Variants in PLPPR1 observed in about 807,000 individuals in gnomAD.
PLPPR1 encodes phospholipid phosphatase-related protein type 1.
Under a neutral mutation model 33.1 loss-of-function variants are expected in PLPPR1, and 10 were observed. The ratio of observed to expected loss-of-function variants is 0.30; its 90% CI spans 0.19 to 0.51. The LOEUF is 0.51. Ranked by LOEUF, PLPPR1 falls within the 20% of genes least tolerant of loss-of-function variation. The pLI is 0.97. For missense variants in PLPPR1, 304 were observed against 408.1 expected (o/e 0.74, Z 2.20); for synonymous variants, 151 against 151.0 (o/e 1.00, Z 0.00).
chr9:101,314,965 A>AAAC (rs141502945), intron 6 of PLPPR1, among the ~76,000 whole-genome samples: 5,863 of 152,260 alleles, frequency 0.039, 380 homozygotes, highest in African/African-American at 0.13. Flanking sequence ...CGCCTTTTAA[A>AAAC]AACATTTTAT....
At chr9:101,207,360 C>T (rs62576887) in intron 2 of PLPPR1, among the ~76,000 whole-genome samples, 3,617 of 152,280 alleles carry the variant, frequency 0.024, 50 homozygotes, top group Middle Eastern at 0.092. Flanking sequence ...TTTAGTTGTA[C>T]CTAAATTGGA....
chr9:101,057,930 A>G (rs1431109138), intron 1 of PLPPR1, among the ~76,000 whole-genome samples: 1 of 152,096 alleles, frequency 6.6e-6, no homozygotes, highest in African/African-American at 2.4e-5. Flanking sequence ...GGAGGTGAGG[A>G]GGAAGAGAAA....
intron 2 of PLPPR1, among the ~76,000 whole-genome samples, chr9:101,266,469 G>A (rs1828001322): frequency 6.6e-6 from 1 of 151,892 alleles, no homozygotes; most frequent in Non-Finnish European, 1.5e-5. Context: ...CTGGCTTCTG[G>A]CTGCTCGGGG....
chr9:101,318,785 AAAAC>A (rs1280037160), intron 7 of PLPPR1, among the ~76,000 whole-genome samples: 2 of 152,116 alleles, frequency 1.3e-5, no homozygotes, highest in African/African-American at 2.4e-5. Context: ...AAAAAAAACA[AAAAC>A]AAACAAACAA....
intron 1 of PLPPR1, among the ~76,000 whole-genome samples, chr9:101,142,699 T>C (rs1831466709): frequency 6.6e-6 from 1 of 152,188 alleles, no homozygotes; most frequent in South Asian, 2.1e-4. Flanking sequence ...TCTCCTTTTT[T>C]CATTTTCCAC....
At chr9:101,180,143 T>TATACACAC (rs1564167627) in intron 1 of PLPPR1, among the ~76,000 whole-genome samples, 1 of 39,212 alleles carries the variant, frequency 2.6e-5, no homozygotes, top group Non-Finnish European at 5.0e-5. Context: ...TATATATATA[T>TATACACAC]ACACACACAC....
chr9:101,201,853 G>A (rs1826500053), intron 2 of PLPPR1, among the ~76,000 whole-genome samples: 1 of 152,158 alleles, frequency 6.6e-6, no homozygotes, highest in African/African-American at 2.4e-5. Flanking sequence ...TCTGTGACCT[G>A]CAAACATGTG....
chr9:101,070,422 G>A (rs1830467446), intron 1 of PLPPR1, among the ~76,000 whole-genome samples: 1 of 151,938 alleles, frequency 6.6e-6, no homozygotes, highest in African/African-American at 2.4e-5. Flanking sequence ...GGGAATATGA[G>A]AATAACATCG....
chr9:101,163,036 A>G (rs190852245), intron 1 of PLPPR1, among the ~76,000 whole-genome samples: 1 of 152,332 alleles, frequency 6.6e-6, no homozygotes, highest in Non-Finnish European at 1.5e-5. Flanking sequence ...GAAATTATTC[A>G]TATTTAAATC....
intron 2 of PLPPR1, among the ~76,000 whole-genome samples, chr9:101,232,532 A>C (rs917281088): frequency 6.6e-6 from 1 of 151,748 alleles, no homozygotes; most frequent in South Asian, 2.1e-4. Context: ...GGGGTTAAAG[A>C]GTAACAAGCA....
At chr9:101,114,193 A>G (rs1330991984) in intron 1 of PLPPR1, among the ~76,000 whole-genome samples, 3 of 152,230 alleles carry the variant, frequency 2.0e-5, no homozygotes. Flanking sequence ...TTAATATTTC[A>G]TTGAACACTG....
intron 3 of PLPPR1, among the ~76,000 whole-genome samples, chr9:101,278,276 A>C (rs752614612): frequency 3.3e-5 from 5 of 152,196 alleles, no homozygotes; most frequent in Non-Finnish European, 7.3e-5. Context: ...GATATCAGTT[A>C]TTTATTGCGT....
rs1446990849 is a variant in PLPPR1 at position 101,279,579 on chromosome 9, T to C, written c.253-6525T>C. On this transcript the variant is annotated intron_variant, in intron 3 of 7. Coordinates refer to ENST00000374874, the MANE Select transcript of PLPPR1 (RefSeq NM_207299.2). ...CAAGGACAGGTAATATCTTAGGACATTAAAAAGTCTTAAATTCAAAAAATA... is the reference window on the plus strand; with the variant it reads ...CAAGGACAGGTAATATCTTAGGACACTAAAAAGTCTTAAATTCAAAAAATA... Among the ~76,000 whole-genome samples the C allele has an allele frequency of 2.0e-5, 3 of 152,154 alleles. No individual in the cohort carries two copies. In the East Asian group the frequency reaches 5.8e-4, roughly 29 times the overall value.
intron 4 of PLPPR1, among the ~76,000 whole-genome samples, chr9:101,307,511 G>C (rs567054877): frequency 1.3e-5 from 2 of 152,214 alleles, no homozygotes; most frequent in African/African-American, 4.8e-5. Flanking sequence ...AAACTGCCTC[G>C]GATGATCAAT....
intron 2 of PLPPR1, among the ~76,000 whole-genome samples, chr9:101,226,073 T>C (rs1009382064): frequency 1.4e-4 from 21 of 152,122 alleles, no homozygotes; most frequent in Admixed American, 3.9e-4. Context: ...ATGGCTTATT[T>C]TCATCACTTT....
chr9:101,195,045 G>A (rs903613231), intron 2 of PLPPR1, among the ~76,000 whole-genome samples: 1 of 152,166 alleles, frequency 6.6e-6, no homozygotes, highest in African/African-American at 2.4e-5. Context: ...AGTCCCATGT[G>A]TGTTGGTTTG....
At chr9:101,137,353 G>A (rs1831389146) in intron 1 of PLPPR1, among the ~76,000 whole-genome samples, 1 of 152,174 alleles carries the variant, frequency 6.6e-6, no homozygotes, top group Non-Finnish European at 1.5e-5. Context: ...GAGGAGAAGA[G>A]CACAGGTCAC....
At position 101,120,714 on chromosome 9, in the gene PLPPR1, G is replaced by C. The variant is rs145962298; in HGVS notation, c.-45-64736G>C. 2.5e-3 allele frequency among the ~76,000 whole-genome samples: 377 copies of C among 150,606 alleles called. 2 individuals carry two copies. The highest frequency in any genetic ancestry group is 8.6e-3 in the African/African-American group (355 of 41,132). On this transcript the variant is annotated intron_variant, in intron 1 of 7. Coordinates refer to ENST00000374874, the MANE Select transcript of PLPPR1 (RefSeq NM_207299.2). The stretch of plus-strand genomic sequence containing the variant: ...AGTGTGGGGTCATCACCAAAGAAAG[G>C]GTTTGAGGACCAGTTACTCAGCCAC...
intron 2 of PLPPR1, among the ~76,000 whole-genome samples, chr9:101,258,298 C>A (rs759662272): frequency 6.6e-6 from 1 of 152,138 alleles, no homozygotes; most frequent in East Asian, 1.9e-4. Context: ...TCTTTCTCAG[C>A]CACTCATCTA....
Sources: gnomAD v4.1 joint callset for allele counts (sites outside exome capture counted in the v4.1 genomes callset) on GRCh38, gnomAD v4.1.1 for gene constraint, MANE v1.5 for transcripts, NCBI Gene and HGNC (gene_info 2026-07-23, HGNC 2026-07-21) for gene names.